Variants in ZBTB20 observed in about 807,000 individuals in gnomAD.
ZBTB20 encodes zinc finger and BTB domain containing 20.
ZBTB20 carries 9 observed loss-of-function variants against 56.9 expected under a neutral mutation model. That is an observed-to-expected ratio of 0.16 (90% CI 0.10 to 0.28). The LOEUF is 0.28. Ranked by LOEUF, ZBTB20 falls within the 10% of genes least tolerant of loss-of-function variation. The pLI is 1.00. For synonymous variants in ZBTB20, 417 were observed against 420.7 expected (o/e 0.99, Z 0.11); for missense variants, 655 against 1,003.0 (o/e 0.65, Z 4.69).
chr3:114,809,163 T>G (rs992555642), intron 4 of ZBTB20, among the ~76,000 whole-genome samples: 18 of 152,066 alleles, frequency 1.2e-4, no homozygotes, highest in African/African-American at 3.6e-4. Flanking sequence ...CAGATTTTTT[T>G]TGTGTTTATC....
At chr3:114,844,544 A>AAAAAAAAAAAAC (rs1560313358) in intron 4 of ZBTB20, among the ~76,000 whole-genome samples, 1 of 140,602 alleles carries the variant, frequency 7.1e-6, no homozygotes, top group African/African-American at 2.7e-5. Flanking sequence ...AAAAAAAAAA[A>AAAAAAAAAAAAC]AAAAAAAACT....
intron 2 of ZBTB20, among the ~76,000 whole-genome samples, chr3:115,002,852 C>G (rs1329598472): frequency 6.6e-6 from 1 of 151,602 alleles, no homozygotes; most frequent in South Asian, 2.1e-4. Flanking sequence ...CAAAATCCTA[C>G]ACATAAATGT....
chr3:114,599,964 T>A (rs1032546037), intron 6 of ZBTB20, among the ~76,000 whole-genome samples: 2 of 151,872 alleles, frequency 1.3e-5, no homozygotes, highest in African/African-American at 4.8e-5. Context: ...AGCGAGCACA[T>A]AAGATTCCAA....
chr3:114,476,813 C>T (rs2040828333), intron 7 of ZBTB20, among the ~76,000 whole-genome samples: 1 of 152,162 alleles, frequency 6.6e-6, no homozygotes, highest in African/African-American at 2.4e-5. Flanking sequence ...TGATAAATAT[C>T]TTGTGCATAA....
intron 6 of ZBTB20, among the ~76,000 whole-genome samples, chr3:114,543,861 A>C (rs2049409958): frequency 6.6e-6 from 1 of 152,196 alleles, no homozygotes; most frequent in African/African-American, 2.4e-5. Context: ...TTTTTCTTCA[A>C]AGATTTTTCA....
intron 6 of ZBTB20, among the ~76,000 whole-genome samples, chr3:114,668,022 T>C (rs2061156862): frequency 1.3e-5 from 2 of 152,042 alleles, no homozygotes; most frequent in African/African-American, 4.8e-5. Flanking sequence ...TTTTAAAAAT[T>C]GTGTACTATG....
At chr3:115,023,761 C>T (rs1466470766) in intron 2 of ZBTB20, among the ~76,000 whole-genome samples, 2 of 150,836 alleles carry the variant, frequency 1.3e-5, no homozygotes, top group African/African-American at 2.4e-5. Flanking sequence ...TTGATTCTTA[C>T]ACTACACTAC....
At position 114,824,907 on chromosome 3, in the gene ZBTB20, T is replaced by C. The variant is rs138529583; in HGVS notation, c.-416-23733A>G. Among the ~76,000 whole-genome samples the C allele has an allele frequency of 2.0e-5, 3 of 152,142 alleles. No individual in the cohort carries two copies. In the East Asian group the frequency reaches 5.8e-4, roughly 29 times the overall value. ...AAAGTTTTCTAGCTAGCTTTATTGCTAGTAAGAGAATAACTTTTATTAATT... is the reference window on the plus strand; with the variant it reads ...AAAGTTTTCTAGCTAGCTTTATTGCCAGTAAGAGAATAACTTTTATTAATT... On this transcript the variant is annotated intron_variant, in intron 4 of 11. Coordinates refer to ENST00000675478, the MANE Select transcript of ZBTB20 (RefSeq NM_001348800.3).
chr3:114,803,484 C>T (rs1044958670), intron 4 of ZBTB20, among the ~76,000 whole-genome samples: 2 of 151,744 alleles, frequency 1.3e-5, no homozygotes, highest in Admixed American at 1.3e-4. Context: ...TACTTTGCGC[C>T]AGGACTCAAA....
intron 6 of ZBTB20, among the ~76,000 whole-genome samples, chr3:114,689,922 G>C (rs1238187660): frequency 6.6e-6 from 1 of 151,914 alleles, no homozygotes; most frequent in Non-Finnish European, 1.5e-5. Context: ...ATCCGATATA[G>C]TTCTAACCTT....
At chr3:114,734,283 A>C (rs990626995) in intron 5 of ZBTB20, among the ~76,000 whole-genome samples, 2 of 152,058 alleles carry the variant, frequency 1.3e-5, no homozygotes, top group African/African-American at 2.4e-5. Flanking sequence ...AATTTAAAAA[A>C]CACTGGAGAC....
At position 114,322,842 on chromosome 3, in the gene ZBTB20, G is replaced by A. The variant is rs1288253781; in HGVS notation, c.*16163C>T. The A allele has an allele frequency of 6.6e-6, 1 of 152,182 alleles. No homozygotes were observed. Among genetic ancestry groups the A allele is most frequent in the Non-Finnish European group, 1.5e-5 (1 of 68,032 alleles). 9.4% of individuals were successfully genotyped at this position (152,182 alleles called of 1,614,324 possible). A position where few individuals can be genotyped will look rare whatever the true frequency, so the allele number is the denominator to read the frequency against. On this transcript the variant is annotated 3_prime_UTR_variant, in exon 12 of 12. Transcript: ENST00000675478. The stretch of plus-strand genomic sequence containing the variant: ...AAACTTGGAATAGTAGACTTGGACG[G>A]ATAGTAAAGAAGAGAGAGAAAAAGA...
In ZBTB20 at chr3:115,106,898, G is replaced by A. The variant is rs372934391; in HGVS notation, c.-702-35484C>T. 2.7e-3 allele frequency among the ~76,000 whole-genome samples: 409 copies of A among 152,108 alleles called. 1 individual carries two copies. The highest frequency in any genetic ancestry group is 0.015 in the South Asian group (73 of 4,820). On this transcript the variant is annotated intron_variant, in intron 1 of 11. Coordinates refer to ENST00000675478, the MANE Select transcript of ZBTB20 (RefSeq NM_001348800.3). The stretch of plus-strand genomic sequence containing the variant: ...TGTAATATATCTGAAGCTCAAAAAA[G>A]TTTTCCTGAAAGAATGAATGACTAA...
At chr3:114,572,141 C>T (rs1471400038) in intron 6 of ZBTB20, among the ~76,000 whole-genome samples, 1 of 152,166 alleles carries the variant, frequency 6.6e-6, no homozygotes, top group Non-Finnish European at 1.5e-5. Flanking sequence ...GACTTAGTAA[C>T]TTGTTCTGGG....
intron 3 of ZBTB20, among the ~76,000 whole-genome samples, chr3:114,934,011 G>C (rs1300688860): frequency 6.6e-6 from 1 of 151,996 alleles, no homozygotes; most frequent in Non-Finnish European, 1.5e-5. Flanking sequence ...CACAGGAAAG[G>C]GTCAAGGTAA....
intron 3 of ZBTB20, among the ~76,000 whole-genome samples, chr3:114,914,620 T>C (rs576536557): frequency 6.6e-6 from 1 of 152,174 alleles, no homozygotes; most frequent in Admixed American, 6.6e-5. Context: ...GTGATGAAAG[T>C]GAGCATCCTT....
At chr3:114,632,121 T>A (rs2058994287) in intron 6 of ZBTB20, among the ~76,000 whole-genome samples, 2 of 152,222 alleles carry the variant, frequency 1.3e-5, no homozygotes, top group Non-Finnish European at 2.9e-5. Flanking sequence ...ATCAGCACTA[T>A]CTGTTCTCAC....
intron 2 of ZBTB20, among the ~76,000 whole-genome samples, chr3:115,052,589 A>C (rs552352946): frequency 1.3e-5 from 2 of 152,196 alleles, no homozygotes; most frequent in Non-Finnish European, 2.9e-5. Context: ...GCAAAGTTTA[A>C]CTAAAAGACA....
intron 1 of ZBTB20, among the ~76,000 whole-genome samples, chr3:115,080,941 T>C (rs1346655858): frequency 1.3e-5 from 2 of 152,114 alleles, no homozygotes; most frequent in Admixed American, 6.6e-5. Flanking sequence ...AATAATGTGA[T>C]AATATCACAT....
Sources: gnomAD v4.1 joint callset for allele counts (sites outside exome capture counted in the v4.1 genomes callset) on GRCh38, gnomAD v4.1.1 for gene constraint, MANE v1.5 for transcripts, NCBI Gene and HGNC (gene_info 2026-07-23, HGNC 2026-07-21) for gene names.